SHLD1: variants seen among roughly 807,000 people sequenced by gnomAD.
SHLD1 encodes RINN1-REV7-interacting novel NHEJ regulator 3.
A neutral mutation model predicts 5.5 loss-of-function variants in SHLD1; 3 were observed. The ratio of observed to expected loss-of-function variants is 0.54; its 90% CI spans 0.25 to 1.40. SHLD1 has a LOEUF of 1.40. SHLD1 is among the 40% of genes most tolerant of loss of function. The pLI is 0.15. For synonymous variants in SHLD1, 92 were observed against 94.3 expected, an observed-to-expected ratio of 0.98 and a Z score of 0.14; for missense variants, 210 against 244.4, an observed-to-expected ratio of 0.86 and a Z score of 0.94.
chr20:5,786,216 C>T (rs879477912), intron 2 of SHLD1, among the ~76,000 whole-genome samples: 40 of 152,180 alleles, frequency 2.6e-4, no homozygotes, highest in Non-Finnish European at 4.7e-4. Context: ...TTTCTCCAAA[C>T]CAGCCATAGA....
At chr20:5,763,798 C>A (rs564321853) in intron 1 of SHLD1, among the ~76,000 whole-genome samples, 12 of 151,806 alleles carry the variant, frequency 7.9e-5, no homozygotes, top group South Asian at 2.1e-4. Context: ...TGGTTTACAT[C>A]ATCAAGCCAT....
intron 2 of SHLD1, among the ~76,000 whole-genome samples, chr20:5,790,930 A>T (rs992196623): frequency 6.6e-6 from 1 of 152,184 alleles, no homozygotes; most frequent in East Asian, 1.9e-4. Context: ...TGGGAGGCTG[A>T]GGCAGGTGGA....
chr20:5,804,562 T>G (rs1027526509), intron 2 of SHLD1, among the ~76,000 whole-genome samples: 1 of 152,208 alleles, frequency 6.6e-6, no homozygotes, highest in African/African-American at 2.4e-5. Flanking sequence ...CAAGAACATT[T>G]CAGTTATGGC....
chr20:5,854,800 A>G (rs1374068737), intron 2 of SHLD1, among the ~76,000 whole-genome samples: 1 of 151,756 alleles, frequency 6.6e-6, no homozygotes, highest in African/African-American at 2.4e-5. Flanking sequence ...ATTAAACACT[A>G]AATCTGCATT....
intron 2 of SHLD1, among the ~76,000 whole-genome samples, chr20:5,834,689 C>T (rs1182491639): frequency 3.0e-4 from 45 of 152,154 alleles, no homozygotes; most frequent in Admixed American, 2.8e-3. Flanking sequence ...ATGTTTTTCA[C>T]CCTGTGTCTT....
rs376603509 is a variant in SHLD1 at position 5,857,049 on chromosome 20, T to C, written c.179-5975T>C. On this transcript the variant is annotated intron_variant, in intron 2 of 2. Coordinates refer to ENST00000303142, the MANE Select transcript of SHLD1 (RefSeq NM_152504.4). Reference sequence around the variant, plus strand: ...CAGGCTGGAGTGCAGTGGTGCAATCTCGGCTCACTGCAACCTCTGCCTCCC... The same window carrying C: ...CAGGCTGGAGTGCAGTGGTGCAATCCCGGCTCACTGCAACCTCTGCCTCCC... 1.6e-4 allele frequency among the ~76,000 whole-genome samples: 25 copies of C among 152,310 alleles called. No homozygotes were observed. The East Asian group carries it at 4.1e-3, about 25-fold the overall frequency.
intron 2 of SHLD1, among the ~76,000 whole-genome samples, chr20:5,819,159 G>A (rs972877111): frequency 3.3e-5 from 5 of 152,146 alleles, no homozygotes; most frequent in South Asian, 2.1e-4. Context: ...ACCGTGCCCC[G>A]CCAGTGTCTA....
At chr20:5,808,376 A>G (rs1427192115) in intron 2 of SHLD1, among the ~76,000 whole-genome samples, 3 of 152,296 alleles carry the variant, frequency 2.0e-5, no homozygotes, top group East Asian at 1.9e-4. Flanking sequence ...ATCTATATAC[A>G]TAAATATAGA....
rs980194617 is a variant in SHLD1, at chr20:5,855,233, A to G, written c.179-7791A>G. On this transcript the variant is annotated intron_variant, in intron 2 of 2. Coordinates refer to ENST00000303142, the MANE Select transcript of SHLD1 (RefSeq NM_152504.4). The surrounding 1 kb of genome is among the most constrained non-coding windows in gnomAD (Gnocchi z 4.4). ...CCTCATCTAAGTGGAATCATACAGT[A>G]TTTTTCCTATTGTGGCTGGCTTATT... is the stretch of plus-strand genomic sequence containing the variant. Among the ~76,000 whole-genome samples, 1 of 151,298 alleles carries G rather than the reference A, an allele frequency of 6.6e-6. No homozygotes were observed. Among genetic ancestry groups the G allele is most frequent in the African/African-American group, 2.4e-5 (1 of 41,118 alleles).
chr20:5,849,965 C>CAA lies in SHLD1; in HGVS notation c.179-13036_179-13035dup, dbSNP rs752647466. On this transcript the variant is annotated intron_variant, in intron 2 of 2. Transcript: ENST00000303142. ...TGGGCGACAGAGCGAGACTCCGTCT[C>CAA]AAAAAAAAAAAAAAAAAAAAAAAAT... 3.7e-3 allele frequency among the ~76,000 whole-genome samples: 184 copies of CAA among 49,886 alleles called. 4 individuals carry two copies. Among genetic ancestry groups the CAA allele is most frequent in the Middle Eastern group, 9.6e-3 (1 of 104 alleles). 32.7% of individuals were successfully genotyped at this position (49,886 alleles called of 152,430 possible). A position where few individuals can be genotyped will look rare whatever the true frequency, so the allele number is the denominator to read the frequency against.
At chr20:5,773,839 C>T (rs554196339) in intron 2 of SHLD1, among the ~76,000 whole-genome samples, 2 of 152,172 alleles carry the variant, frequency 1.3e-5, no homozygotes, top group South Asian at 4.1e-4. Context: ...TTAAGGTAAA[C>T]CTGTAAGATA....
chr20:5,812,882 A>AT (rs2087478641), intron 2 of SHLD1, among the ~76,000 whole-genome samples: 1 of 151,682 alleles, frequency 6.6e-6, no homozygotes, highest in Non-Finnish European at 1.5e-5. Flanking sequence ...TTTTATTTTT[A>AT]TTTTTTTATT....
At chr20:5,790,736 G>A (rs2087126936) in intron 2 of SHLD1, among the ~76,000 whole-genome samples, 1 of 151,984 alleles carries the variant, frequency 6.6e-6, no homozygotes, top group Non-Finnish European at 1.5e-5. Flanking sequence ...TTACAGGTGT[G>A]AGCCACCACG....
intron 1 of SHLD1, among the ~76,000 whole-genome samples, chr20:5,759,787 T>C (rs1017571816): frequency 6.6e-6 from 1 of 152,026 alleles, no homozygotes; most frequent in Non-Finnish European, 1.5e-5. Flanking sequence ...GCAATCTACC[T>C]GCCTTGGCTT....
At chr20:5,853,645 A>G (rs1046522407) in intron 2 of SHLD1, among the ~76,000 whole-genome samples, 1 of 152,238 alleles carries the variant, frequency 6.6e-6, no homozygotes, top group African/African-American at 2.4e-5. Flanking sequence ...TGATGTAAGT[A>G]TACCCTCAGT....
chr20:5,803,713 A>T (rs7348192), intron 2 of SHLD1, among the ~76,000 whole-genome samples: 3 of 127,126 alleles, frequency 2.4e-5, no homozygotes. Context: ...TACTAAAAAT[A>T]AAAAAAAAAT....
chr20:5,772,824 G>A (rs1365758958), intron 1 of SHLD1, 38 bp from the exon 2 acceptor site: 2 of 1,548,484 alleles, frequency 1.3e-6, no homozygotes, highest in Non-Finnish European at 1.8e-6. Context: ...GCTATGTGGT[G>A]CCTTTTGTAC....
At position 5,778,114 on chromosome 20, in the gene SHLD1, CTT is replaced by C. The variant is rs776358532; in HGVS notation, c.178+5090_178+5091del. ...GGCTGAGGCAGGAGGATCCCTTTTTCTTTTTTTTTTTTTTTTTTTTGAGACAG... is the reference window on the plus strand; with the variant it reads ...GGCTGAGGCAGGAGGATCCCTTTTTCTTTTTTTTTTTTTTTTTTGAGACAG... On this transcript the variant is annotated intron_variant, in intron 2 of 2. Coordinates refer to ENST00000303142, the MANE Select transcript of SHLD1 (RefSeq NM_152504.4). Among the ~76,000 whole-genome samples, 1,041 of 111,864 alleles carry C rather than the reference CTT, an allele frequency of 9.3e-3. 7 individuals are homozygous for C. The highest frequency in any genetic ancestry group is 0.033 in the African/African-American group (996 of 30,012). The allele number at this position is 111,864 out of a possible 152,430, so 73.4% of individuals were successfully genotyped here.
At chr20:5,764,217 G>GTATA (rs1436612762) in intron 1 of SHLD1, among the ~76,000 whole-genome samples, 21 of 115,332 alleles carry the variant, frequency 1.8e-4, no homozygotes, top group African/African-American at 5.3e-4. Context: ...ATTTGTGTGT[G>GTATA]TGTATATATA....
Sources: allele counts gnomAD v4.1 joint callset (sites outside exome capture counted in the v4.1 genomes callset), GRCh38; gene constraint gnomAD v4.1.1; non-coding constraint Gnocchi (gnomAD v3.1); transcripts MANE v1.5; gene names NCBI Gene and HGNC (gene_info 2026-07-23, HGNC 2026-07-21).